The following NUTM2G variants were observed in gnomAD, a reference collection of about 807,000 sequenced individuals.
NUTM2G encodes the protein NUT family member 2G.
Under a neutral mutation model 44.3 loss-of-function variants are expected in NUTM2G, and 29 were observed. The ratio of observed to expected loss-of-function variants is 0.66; its 90% CI spans 0.49 to 0.89. The LOEUF (loss-of-function observed/expected upper bound fraction) is 0.89, where lower values mean the gene tolerates loss of function less well. NUTM2G is among the 40% of genes least tolerant of loss of function. The probability of loss-of-function intolerance (pLI) is 0.00; values close to 1 mark genes in which losing one functional copy is unlikely to be tolerated. For synonymous variants in NUTM2G, 205 were observed against 395.9 expected, an observed-to-expected ratio of 0.52 and a Z score of 5.72; for missense variants, 502 against 946.5, an observed-to-expected ratio of 0.53 and a Z score of 6.16.
rs776232906 is a variant in NUTM2G at position 96,932,974 on chromosome 9, TTTTC to T, written c.713+560_713+563del. On this transcript the variant is annotated intron_variant, in intron 2 of 6. Coordinates refer to ENST00000372322, the MANE Select transcript of NUTM2G (RefSeq NM_001170741.3). Reference sequence around the variant, plus strand: ...CCAATACTTACTTTCTTTTCTTTTCTTTTCTTTTTTTTTTTTTTTTTGAGATGGA... The same window carrying T: ...CCAATACTTACTTTCTTTTCTTTTCTTTTTTTTTTTTTTTTTTGAGATGGA... 3.5e-3 allele frequency among the ~76,000 whole-genome samples: 514 copies of T among 147,806 alleles called. 17 individuals are homozygous for T. The East Asian group carries it at 0.072, about 21-fold the overall frequency.
chr9:96,936,689 C>T (rs1343589299), intron 4 of NUTM2G, 125 bp downstream of exon 4: 18 of 1,457,206 alleles, frequency 1.2e-5, no homozygotes, highest in East Asian at 1.2e-4. Flanking sequence ...GGACAGCTTC[C>T]GGGACTGTAT....
intron 6 of NUTM2G, 152 bp downstream of exon 6, chr9:96,938,153 G>A (rs1359063328): frequency 1.5e-6 from 1 of 649,594 alleles, no homozygotes. Flanking sequence ...TTCAGAGGGA[G>A]TAGGATGGAG....
chr9:96,934,085 A>T (rs1826354953), intron 2 of NUTM2G, among the ~76,000 whole-genome samples: 1 of 152,026 alleles, frequency 6.6e-6, no homozygotes. Flanking sequence ...CATCTAGGAG[A>T]GTGCTCCCCA....
chr9:96,935,699 G>A (rs1826408827), intron 3 of NUTM2G, among the ~76,000 whole-genome samples: 2 of 152,202 alleles, frequency 1.3e-5, no homozygotes, highest in Non-Finnish European at 2.9e-5. Flanking sequence ...CCTTGACACT[G>A]GGGGTCATGG....
At chr9:96,942,109 G>A (rs151207071), downstream of NUTM2G, among the ~76,000 whole-genome samples, 1,559 of 151,990 alleles carry the variant, frequency 0.01, 13 homozygotes, top group Admixed American at 0.015. Flanking sequence ...CTTCACCACT[G>A]GACGACAGAT....
intron 6 of NUTM2G, among the ~76,000 whole-genome samples, 170 bp from the exon 7 acceptor site, chr9:96,938,194 C>T (rs1826504916): frequency 6.7e-6 from 1 of 149,664 alleles, no homozygotes; most frequent in Admixed American, 6.7e-5. Context: ...AGGATGCAAG[C>T]TGCAGTGAGG....
In NUTM2G at chr9:96,937,211, C is replaced by T; in HGVS notation, c.1130C>T (p.Pro377Leu). The change falls in exon 5 of 7, where the codon CCT becomes CTT. Residue 377 changes from proline to leucine, a missense_variant. Pro to Leu is a moderately conservative substitution (Grantham distance 98). Transcript: ENST00000372322. ...AETKVPEEIPPEVVQEYVDIM... is the reference protein window; with the variant it reads ...AETKVPEEIPLEVVQEYVDIM... ...ACCAAGGTCCCTGAGGAGATCCCCC[C>T]TGAAGTGGTGCAGGAGTATGTGGAC... 1.2e-6 allele frequency: 2 copies of T among 1,613,052 alleles called. No homozygotes were observed. Among genetic ancestry groups the T allele is most frequent in the Non-Finnish European group, 1.7e-6 (2 of 1,179,880 alleles).
At position 96,932,800 on chromosome 9, in the gene NUTM2G, G is replaced by A. The variant is rs1826308093; in HGVS notation, c.713+382G>A. 3.3e-5 allele frequency among the ~76,000 whole-genome samples: 5 copies of A among 151,742 alleles called. No homozygotes were observed. In the South Asian group the frequency reaches 6.2e-4, roughly 19 times the overall value. ...CCTGAGTAGTTGGGATTACAGGCAT[G>A]TGCCACCATGCCTGGCTAATTTTGT... On this transcript the variant is annotated intron_variant, in intron 2 of 6. Coordinates refer to ENST00000372322, the MANE Select transcript of NUTM2G (RefSeq NM_001170741.3).
chr9:96,942,937 T>C (rs1826628994), downstream of NUTM2G: 1 of 150,420 alleles, frequency 6.6e-6, no homozygotes, highest in African/African-American at 2.5e-5. Context: ...CTTTATTTAC[T>C]CCTTTATAAT....
At chr9:96,934,427 G>A (rs1826364599) in intron 2 of NUTM2G, among the ~76,000 whole-genome samples, 1 of 151,926 alleles carries the variant, frequency 6.6e-6, no homozygotes, top group South Asian at 2.1e-4. Context: ...CCCCCTTGGA[G>A]CGGAGTCCCG....
chr9:96,939,616 ACCAT>A (rs1316829922), downstream of NUTM2G: 3 of 9,836 alleles, frequency 3.1e-4, no homozygotes, highest in Admixed American at 4.0e-4. Flanking sequence ...GATCCCTCCC[ACCAT>A]CCACTCACAA....
intron 5 of NUTM2G, 78 bp from the exon 6 acceptor site, chr9:96,937,807 C>T: frequency 6.3e-7 from 1 of 1,594,274 alleles, no homozygotes; most frequent in Non-Finnish European, 8.6e-7. Flanking sequence ...TCCCTGCTTT[C>T]TGCATCTCCT....
chr9:96,929,375 G>A (rs1419874948), intron 1 of NUTM2G, among the ~76,000 whole-genome samples: 1 of 151,878 alleles, frequency 6.6e-6, no homozygotes, highest in Admixed American at 6.6e-5. Context: ...CAGGGAGAAT[G>A]ACGGGCAAGC....
At chr9:96,934,761 C>A (rs1242023789) in intron 2 of NUTM2G, among the ~76,000 whole-genome samples, 1 of 152,064 alleles carries the variant, frequency 6.6e-6, no homozygotes, top group African/African-American at 2.4e-5. Flanking sequence ...CGTAACGAAT[C>A]CCATAGACTG....
intron 2 of NUTM2G, 91 bp downstream of exon 2, chr9:96,932,509 T>C (rs1053785630): frequency 9.0e-6 from 11 of 1,215,974 alleles, no homozygotes; most frequent in African/African-American, 3.0e-5. Context: ...TCAGGGGAGC[T>C]TGCAGGGCGG....
At chr9:96,940,652 G>A (rs1461045590), downstream of NUTM2G, among the ~76,000 whole-genome samples, 3 of 152,124 alleles carry the variant, frequency 2.0e-5, no homozygotes, top group Admixed American at 6.5e-5. Flanking sequence ...TCCCAGCACT[G>A]CCTGCATGCA....
intron 3 of NUTM2G, 106 bp from the exon 4 acceptor site, chr9:96,936,319 G>GCCCGC (rs1346071719): frequency 6.5e-7 from 1 of 1,531,546 alleles, no homozygotes; most frequent in African/African-American, 1.4e-5. Context: ...GGCCTAGACA[G>GCCCGC]CCCGCCGGAG....
At chr9:96,936,602 G>A (rs745775135) in intron 4 of NUTM2G, 38 bp downstream of exon 4, 123 of 1,538,946 alleles carry the variant, frequency 8.0e-5, no homozygotes, top group Non-Finnish European at 1.0e-4. Context: ...CCATGGCAAA[G>A]GCCAAAGGGG....
chr9:96,929,823 G>A (rs1231918847), intron 1 of NUTM2G, among the ~76,000 whole-genome samples: 4 of 152,026 alleles, frequency 2.6e-5, no homozygotes. Context: ...TACTGTGGAG[G>A]TGAAGAATTT....
Sources: allele counts gnomAD v4.1 joint callset (sites outside exome capture counted in the v4.1 genomes callset), GRCh38; gene constraint gnomAD v4.1.1; transcripts MANE v1.5; gene names NCBI Gene and HGNC (gene_info 2026-07-23, HGNC 2026-07-21).